The following ZHX3 variants were observed in gnomAD, a reference collection of about 807,000 sequenced individuals.
The protein encoded by ZHX3 is zinc fingers and homeoboxes protein 3.
In ZHX3, 20 loss-of-function variants were observed where a neutral mutation model predicts 64.5. The observed-to-expected ratio is 0.31, with a 90% CI of 0.22 to 0.45. The LOEUF is 0.45. Among genes scored for constraint, ZHX3 ranks in the 20% least tolerant of loss-of-function variants. The pLI is 1.00. For synonymous variants in ZHX3, 423 were observed against 461.6 expected, an observed-to-expected ratio of 0.92 and a Z score of 1.07; for missense variants, 1,041 against 1,195.8, an observed-to-expected ratio of 0.87 and a Z score of 1.91.
chr20:41,251,689 T>C (rs564901790), intron 2 of ZHX3, among the ~76,000 whole-genome samples: 8 of 152,216 alleles, frequency 5.3e-5, no homozygotes, highest in African/African-American at 1.4e-4. Context: ...TTCAACAAAA[T>C]AGTTAAGCTA....
Position 41,278,996 on chromosome 20 carries a change from C to T in ZHX3, c.-244-9913G>A, listed in dbSNP as rs191544202. 3.3e-5 allele frequency among the ~76,000 whole-genome samples: 5 copies of T among 152,286 alleles called. No individual in the cohort carries two copies. The East Asian group carries it at 9.7e-4, about 29-fold the overall frequency. The stretch of plus-strand genomic sequence containing the variant: ...GTTTCACCGTGCTAGCCAGGATGGC[C>T]TCAATCTCCTGACCTCGTGATTTGC... On this transcript the variant is annotated intron_variant, in intron 1 of 3. Transcript: ENST00000683867.
chr20:41,256,979 G>C (rs1294942006), intron 2 of ZHX3, among the ~76,000 whole-genome samples: 1 of 151,842 alleles, frequency 6.6e-6, no homozygotes, highest in African/African-American at 2.4e-5. Flanking sequence ...CACTCTATAT[G>C]TCCATCTGTA....
At chr20:41,262,331 A>G (rs1021872084) in intron 2 of ZHX3, among the ~76,000 whole-genome samples, 1 of 152,172 alleles carries the variant, frequency 6.6e-6, no homozygotes, top group Non-Finnish European at 1.5e-5. Context: ...TTGTCGCCCA[A>G]CATTCAAGGT....
rs1044150513 is a variant in ZHX3, at chr20:41,226,028, G to A, written c.-150-20962C>T. Among the ~76,000 whole-genome samples, 3 of 152,132 alleles carry A rather than the reference G, an allele frequency of 2.0e-5. No homozygotes were observed. The highest frequency in any genetic ancestry group is 7.2e-5 in the African/African-American group (3 of 41,412). On this transcript the variant is annotated intron_variant, in intron 2 of 3. Coordinates refer to ENST00000683867, the MANE Select transcript of ZHX3 (RefSeq NM_001384317.1). The surrounding 1 kb of genome is among the most constrained non-coding windows in gnomAD (Gnocchi z 4.4). The stretch of plus-strand genomic sequence containing the variant: ...ATTTCAAGATGTAGCCCAACTAGAA[G>A]AGAATGAAAAGCAAGCTGTTTTCAT...
intron 2 of ZHX3, among the ~76,000 whole-genome samples, chr20:41,236,837 G>A (rs951641377): frequency 4.6e-4 from 70 of 152,202 alleles, no homozygotes; most frequent in Middle Eastern, 6.8e-3. Context: ...GCAACCTACA[G>A]AATGGGAGAA....
chr20:41,282,308 C>T (rs1466496850), intron 1 of ZHX3, among the ~76,000 whole-genome samples: 3 of 147,560 alleles, frequency 2.0e-5, no homozygotes, highest in Non-Finnish European at 4.5e-5. Context: ...TATTTTTATG[C>T]GTATTTAACA....
At chr20:41,306,139 A>G (rs993600944) in intron 1 of ZHX3, among the ~76,000 whole-genome samples, 4 of 152,176 alleles carry the variant, frequency 2.6e-5, no homozygotes, top group Admixed American at 6.5e-5. Flanking sequence ...ATTAATATAC[A>G]TTAGAATTAG....
chr20:41,186,458 T>C (rs1452222351), intron 3 of ZHX3, among the ~76,000 whole-genome samples: 3 of 152,252 alleles, frequency 2.0e-5, no homozygotes, highest in South Asian at 2.1e-4. Flanking sequence ...AGAACACTGA[T>C]GTACATGCAT....
At position 41,204,785 on chromosome 20, in the gene ZHX3, T is replaced by C. The variant is rs2038564858; in HGVS notation, c.132A>G (p.Glu44=). 2 of 1,613,858 alleles carry C rather than the reference T, an allele frequency of 1.2e-6. No individual in the cohort carries two copies. Among genetic ancestry groups the C allele is most frequent in the East Asian group, 4.5e-5 (2 of 44,880 alleles). Residue 44 remains glutamate (E), a synonymous_variant, in exon 3 of 4, where the codon GAA becomes GAG. Transcript: ENST00000683867. The surrounding 1 kb of genome is among the most constrained non-coding windows in gnomAD (Gnocchi z 6.6). ...PEGPQQDLPP[E]ASAASSEAAQ... is the part of the protein sequence containing the mutation. ...CTGCCTCACTGCTGGCAGCAGATGC[T>C]TCTGGGGGCAGATCCTGCTGGGGTC...
At chr20:41,311,504 C>A (rs1275390086) in intron 1 of ZHX3, among the ~76,000 whole-genome samples, 1 of 152,116 alleles carries the variant, frequency 6.6e-6, no homozygotes, top group African/African-American at 2.4e-5. Flanking sequence ...ACATCCTAAC[C>A]CAAGTGTTCT....
rs1568774850 is a variant in ZHX3, at chr20:41,184,674, G to A, written c.*517C>T. 9.3e-6 allele frequency: 5 copies of A among 536,522 alleles called. No individual in the cohort carries two copies. In the East Asian group the frequency reaches 1.3e-4, roughly 14 times the overall value. The allele number at this position is 536,522 out of a possible 1,614,324, so 33.2% of individuals were successfully genotyped here. On this transcript the variant is annotated 3_prime_UTR_variant, in exon 4 of 4. Transcript: ENST00000683867. ...AAGGGGGCACAAAGGGGTTCCAGAC[G>A]TAGCTTTGTGCCTATAACTTCCCTG...
Position 41,296,232 on chromosome 20 carries a change from T to TAAAAAAAA in ZHX3, c.-245+21269_-245+21276dup, listed in dbSNP as rs57987896. ...TTCCCTTCTCCTCAAGTTCATAAAGTAAAAAAAAAAAAAAAAAAAAAAAAA... is the reference window on the plus strand; with the variant it reads ...TTCCCTTCTCCTCAAGTTCATAAAGTAAAAAAAAAAAAAAAAAAAAAAAAAAAAAAAAA... On this transcript the variant is annotated intron_variant, in intron 1 of 3. Transcript: ENST00000683867. Among the ~76,000 whole-genome samples, 44 of 73,000 alleles carry TAAAAAAAA rather than the reference T, an allele frequency of 6.0e-4. 8 individuals carry two copies. Among genetic ancestry groups the TAAAAAAAA allele is most frequent in the Non-Finnish European group, 9.3e-4 (31 of 33,374 alleles). 47.9% of individuals were successfully genotyped at this position (73,000 alleles called of 152,430 possible).
chr20:41,185,977 A>C lies in ZHX3; in HGVS notation c.2861-776T>G, dbSNP rs1053508196. Among the ~76,000 whole-genome samples, 1 of 152,226 alleles carries C rather than the reference A, an allele frequency of 6.6e-6. No homozygotes were observed. Among genetic ancestry groups the C allele is most frequent in the African/African-American group, 2.4e-5 (1 of 41,466 alleles). On this transcript the variant is annotated intron_variant, in intron 3 of 3. Coordinates refer to ENST00000683867, the MANE Select transcript of ZHX3 (RefSeq NM_001384317.1). This position sits in a 1 kb window ranked among gnomAD's most constrained non-coding sequence, Gnocchi z 5.0. ...ATCCACTCATCACATTTCCATGTTG[A>C]CTTTAAGAAAAAAACCATGGTAAAA... is the stretch of plus-strand genomic sequence containing the variant.
At chr20:41,301,756 T>C (rs1181144209) in intron 1 of ZHX3, among the ~76,000 whole-genome samples, 1 of 152,034 alleles carries the variant, frequency 6.6e-6, no homozygotes, top group Non-Finnish European at 1.5e-5. Flanking sequence ...GTGAGTTACC[T>C]ATAAAGGAAC....
chr20:41,254,131 G>A (rs778424257), intron 2 of ZHX3, among the ~76,000 whole-genome samples: 1 of 151,954 alleles, frequency 6.6e-6, no homozygotes, highest in Non-Finnish European at 1.5e-5. Context: ...CTGGAAGGAG[G>A]GAAGGAAGAG....
chr20:41,233,899 C>T (rs895521655), intron 2 of ZHX3, among the ~76,000 whole-genome samples: 1 of 152,222 alleles, frequency 6.6e-6, no homozygotes, highest in Non-Finnish European at 1.5e-5. Flanking sequence ...GGCACACTGT[C>T]CTCCAGTCCC....
At chr20:41,206,476 A>C (rs1388898267) in intron 2 of ZHX3, among the ~76,000 whole-genome samples, 1 of 152,252 alleles carries the variant, frequency 6.6e-6, no homozygotes, top group East Asian at 1.9e-4. Flanking sequence ...GATAGAGCTG[A>C]AAACCATGGC....
intron 1 of ZHX3, among the ~76,000 whole-genome samples, chr20:41,292,714 T>C (rs1004786673): frequency 5.3e-5 from 8 of 152,372 alleles, no homozygotes; most frequent in Admixed American, 1.3e-4. Context: ...CCATAACATT[T>C]CTTATAAAAG....
chr20:41,261,094 CTCCCAG>C (rs2042538935), intron 2 of ZHX3, among the ~76,000 whole-genome samples: 1 of 152,198 alleles, frequency 6.6e-6, no homozygotes, highest in African/African-American at 2.4e-5. Context: ...CAAGAAGGCA[CTCCCAG>C]GGTCTCACAC....
Sources: allele counts gnomAD v4.1 joint callset (sites outside exome capture counted in the v4.1 genomes callset), GRCh38; gene constraint gnomAD v4.1.1; non-coding constraint Gnocchi (gnomAD v3.1); transcripts MANE v1.5; gene names NCBI Gene and HGNC (gene_info 2026-07-23, HGNC 2026-07-21).